CATSPERD: variants seen among roughly 807,000 people sequenced by gnomAD.
CATSPERD encodes catsper channel auxiliary subunit delta.
In CATSPERD, 86 loss-of-function variants were observed where a neutral mutation model predicts 98.1. That is an observed-to-expected ratio of 0.88 (90% confidence interval 0.74 to 1.05). The LOEUF (loss-of-function observed/expected upper bound fraction) is 1.05, where lower values mean the gene tolerates loss of function less well. Among genes scored for constraint, CATSPERD ranks in the 50% least tolerant of loss-of-function variants. The pLI is 0.00. For missense variants in CATSPERD, 995 were observed against 1,005.7 expected (o/e 0.99, Z 0.14); for synonymous variants, 394 against 390.2 (o/e 1.01, Z -0.12).
intron 7 of CATSPERD, among the ~76,000 whole-genome samples, chr19:5,740,188 GGA>G (rs1243550936): frequency 6.6e-6 from 1 of 151,846 alleles, no homozygotes; most frequent in East Asian, 1.9e-4. Context: ...GGCTGAGGCA[GGA>G]GAATCGCTTG....
chr19:5,749,051 G>A, intron 10 of CATSPERD, 50 bp from the exon 11 acceptor site: 1 of 1,518,136 alleles, frequency 6.6e-7, no homozygotes, highest in Middle Eastern at 1.7e-4. Flanking sequence ...TTTGTCCACA[G>A]AAATGACCAG....
intron 4 of CATSPERD, among the ~76,000 whole-genome samples, chr19:5,730,884 G>T (rs996660569): frequency 6.6e-6 from 1 of 151,724 alleles, no homozygotes; most frequent in Non-Finnish European, 1.5e-5. Flanking sequence ...GCTTGTAGTC[G>T]CAGCTACTTG....
At chr19:5,724,946 G>A in intron 2 of CATSPERD, 84 bp downstream of exon 2, 1 of 1,271,468 alleles carries the variant, frequency 7.9e-7, no homozygotes, top group South Asian at 1.2e-5. Context: ...TTTCTTGGGT[G>A]CCCGTGTTGT....
chr19:5,726,237 T>C (rs1255759620), intron 2 of CATSPERD, among the ~76,000 whole-genome samples: 2 of 151,270 alleles, frequency 1.3e-5, no homozygotes, highest in African/African-American at 4.9e-5. Flanking sequence ...AATTTTTGTA[T>C]TTTTAGTAGA....
At chr19:5,727,403 C>CT (rs5826899) in intron 3 of CATSPERD, 59 bp downstream of exon 3, 572,285 of 1,271,368 alleles carry the variant, frequency 0.45, 132,313 homozygotes, top group African/African-American at 0.55. Flanking sequence ...TAGATTTGCC[C>CT]CATTCATTCG....
At position 5,763,198 on chromosome 19, in the gene CATSPERD, G is replaced by C. The variant is rs757748907; in HGVS notation, c.1428-17G>C. ...GGGGTGCTATTCTCTAATAACACAG[G>C]TTCCGTTGCCTTGCAGTTTAAAGAA... On this transcript the variant is annotated splice_polypyrimidine_tract_variant and intron_variant, in intron 15 of 21. Transcript: ENST00000381624. 13 of 1,610,978 alleles carry C rather than the reference G, an allele frequency of 8.1e-6. No individual in the cohort carries two copies. Among genetic ancestry groups the C allele is most frequent in the Non-Finnish European group, 9.3e-6 (11 of 1,177,212 alleles).
intron 12 of CATSPERD, among the ~76,000 whole-genome samples, chr19:5,753,852 G>C (rs376959408): frequency 6.6e-6 from 1 of 151,832 alleles, no homozygotes; most frequent in Non-Finnish European, 1.5e-5. Context: ...CAGCCTGGGC[G>C]ACAGAGCGAG....
intron 16 of CATSPERD, among the ~76,000 whole-genome samples, chr19:5,764,482 A>AT (rs1195561102): frequency 6.7e-6 from 1 of 149,590 alleles, no homozygotes; most frequent in Non-Finnish European, 1.5e-5. Context: ...TGCCTGGCTA[A>AT]TTTTTTTTGT....
In CATSPERD at chr19:5,739,324, A is replaced by G; in HGVS notation, c.460-2A>G. On this transcript the variant is annotated splice_acceptor_variant, in intron 6 of 21. Transcript: ENST00000381624. LOFTEE classifies it high-confidence loss of function. ...TTCTTTCTTTCTTTTTTTTTTTTATAGCATGTCAGTAATTTGGTTTTTGCA... is the reference window on the plus strand; with the variant it reads ...TTCTTTCTTTCTTTTTTTTTTTTATGGCATGTCAGTAATTTGGTTTTTGCA... 7.1e-7 allele frequency: 1 copy of G among 1,411,360 alleles called. No homozygotes were observed. Among genetic ancestry groups the G allele is most frequent in the Non-Finnish European group, 9.8e-7 (1 of 1,015,704 alleles). The allele number at this position is 1,411,360 out of a possible 1,614,324, so 87.4% of individuals were successfully genotyped here.
At chr19:5,721,176 T>C (rs1333054162) in intron 1 of CATSPERD, among the ~76,000 whole-genome samples, 2 of 151,908 alleles carry the variant, frequency 1.3e-5, no homozygotes, top group East Asian at 3.9e-4. Context: ...TTTTTTTTTG[T>C]ATTTTTAGTA....
chr19:5,748,066 G>A lies in CATSPERD; in HGVS notation c.809-94G>A, dbSNP rs867207689. 7.4e-6 allele frequency: 7 copies of A among 947,964 alleles called. No individual in the cohort carries two copies. In the African/African-American group the frequency reaches 8.1e-5, roughly 11 times the overall value. The allele number at this position is 947,964 out of a possible 1,614,324, so 58.7% of individuals were successfully genotyped here. ...GAAAGAGCCACTGGCCGGGTGGGTTGGGTGGTGGCAGGGGTGGCTGTGGTC... is the reference window on the plus strand; with the variant it reads ...GAAAGAGCCACTGGCCGGGTGGGTTAGGTGGTGGCAGGGGTGGCTGTGGTC... On this transcript the variant is annotated intron_variant, in intron 9 of 21. Transcript: ENST00000381624.
At chr19:5,754,938 G>A (rs994068242) in intron 13 of CATSPERD, among the ~76,000 whole-genome samples, 6 of 150,278 alleles carry the variant, frequency 4.0e-5, no homozygotes, top group Admixed American at 2.0e-4. Flanking sequence ...TCTGCCTCCC[G>A]GGTTCAAGCC....
chr19:5,778,495 T>A lies in CATSPERD; in HGVS notation c.2216T>A (p.Leu739Gln). The A allele has an allele frequency of 6.2e-7, 1 of 1,614,058 alleles. No homozygotes were observed. Among genetic ancestry groups the A allele is most frequent in the Non-Finnish European group, 8.5e-7 (1 of 1,180,040 alleles). The change falls in exon 22 of 22, where the codon CTG becomes CAG. Residue 739 changes from leucine to glutamine, a missense_variant. Leu to Gln is a moderately radical substitution (Grantham distance 113). Coordinates refer to ENST00000381624, the MANE Select transcript of CATSPERD (RefSeq NM_152784.4). ...IISSILGSVW[L>Q]AYKTPKLLRT... ...TCCAGCATCCTGGGGTCCGTTTGGC[T>A]GGCCTACAAGACCCCCAAGCTGCTA...
chr19:5,772,047 TTTTTC>T (rs1479183249), intron 19 of CATSPERD: 1 of 158,654 alleles, frequency 6.3e-6, no homozygotes, highest in African/African-American at 2.9e-5. Context: ...TCTGTTTCCT[TTTTTC>T]TTTTTTTTTT....
chr19:5,723,447 C>G (rs1328789781), intron 1 of CATSPERD, among the ~76,000 whole-genome samples: 1 of 147,138 alleles, frequency 6.8e-6, no homozygotes, highest in African/African-American at 2.5e-5. Flanking sequence ...GCCCGCCACC[C>G]TGCCCAGCTA....
rs550185518 is a variant in CATSPERD at position 5,761,416 on chromosome 19, AATGGATGG to A, written c.1428-1778_1428-1771del. Among the ~76,000 whole-genome samples the A allele has an allele frequency of 8.9e-3, 177 of 19,824 alleles. 2 individuals carry two copies. The highest frequency in any genetic ancestry group is 0.085 in the East Asian group (96 of 1,128). The allele number at this position is 19,824 out of a possible 152,430, so 13.0% of individuals were successfully genotyped here. A position where few individuals can be genotyped will look rare whatever the true frequency, so the allele number is the denominator to read the frequency against. ...CGCACCCGGCCAGTGTTCAGAAATT[AATGGATGG>A]ATGGATGGATGGATGGATGGCTGGC... On this transcript the variant is annotated intron_variant, in intron 15 of 21. Coordinates refer to ENST00000381624, the MANE Select transcript of CATSPERD (RefSeq NM_152784.4).
chr19:5,746,501 C>T (rs894324499), intron 9 of CATSPERD, among the ~76,000 whole-genome samples: 1 of 151,976 alleles, frequency 6.6e-6, no homozygotes, highest in African/African-American at 2.4e-5. Flanking sequence ...CGATCTTGGC[C>T]CACTGCAAGC....
chr19:5,730,559 A>AT (rs1249305309), intron 4 of CATSPERD, among the ~76,000 whole-genome samples: 37 of 121,514 alleles, frequency 3.0e-4, no homozygotes, highest in African/African-American at 1.2e-3. Flanking sequence ...TAATAATAAA[A>AT]TAAAATAAAT....
At chr19:5,755,320 A>G (rs2056304103) in intron 13 of CATSPERD, among the ~76,000 whole-genome samples, 2 of 152,166 alleles carry the variant, frequency 1.3e-5, no homozygotes, top group South Asian at 4.2e-4. Context: ...TGACTTTACA[A>G]TGGCACAAAA....
Sources: gnomAD v4.1 joint callset for allele counts (sites outside exome capture counted in the v4.1 genomes callset) on GRCh38, gnomAD v4.1.1 for gene constraint, MANE v1.5 for transcripts, NCBI Gene and HGNC (gene_info 2026-07-23, HGNC 2026-07-21) for gene names.